NEGR1: variants seen among roughly 807,000 people sequenced by gnomAD.
NEGR1 encodes IgLON family member 4.
Under a neutral mutation model 40.9 loss-of-function variants are expected in NEGR1, and 10 were observed. The observed-to-expected ratio is 0.24, with a 90% CI of 0.15 to 0.42. NEGR1 has a LOEUF of 0.42. NEGR1 is among the 10% of genes least tolerant of loss of function. NEGR1 has a pLI of 1.00. For missense variants in NEGR1, 352 were observed against 438.9 expected, an observed-to-expected ratio of 0.80 and a Z score of 1.77; for synonymous variants, 185 against 166.8, an observed-to-expected ratio of 1.11 and a Z score of -0.84.
intron 6 of NEGR1, among the ~76,000 whole-genome samples, chr1:71,585,247 A>T (rs1439120510): frequency 6.6e-6 from 1 of 152,148 alleles, no homozygotes; most frequent in Non-Finnish European, 1.5e-5. Flanking sequence ...AATACATACT[A>T]TCTTTTAAAC....
At chr1:72,046,838 AAC>A (rs1241549474) in intron 1 of NEGR1, among the ~76,000 whole-genome samples, 1 of 151,678 alleles carries the variant, frequency 6.6e-6, no homozygotes, top group Non-Finnish European at 1.5e-5. Context: ...ATAAAAAATT[AAC>A]ACAGATAAGA....
rs1190740614 is a variant in NEGR1 at position 71,403,930 on chromosome 1, A to G, written c.*3516T>C. Reference sequence around the variant, plus strand: ...ATCTATTGAAATACTGTACATCCACATACTTCAATAAATAGTTAAAAACCT... The same window carrying G: ...ATCTATTGAAATACTGTACATCCACGTACTTCAATAAATAGTTAAAAACCT... On this transcript the variant is annotated 3_prime_UTR_variant, in exon 7 of 7. Coordinates refer to ENST00000357731, the MANE Select transcript of NEGR1 (RefSeq NM_173808.3). 3 of 375,676 alleles carry G rather than the reference A, an allele frequency of 8.0e-6. No homozygotes were observed. The highest frequency in any genetic ancestry group is 9.2e-5 in the Admixed American group (2 of 21,812). The allele number at this position is 375,676 out of a possible 1,614,324, so 23.3% of individuals were successfully genotyped here.
intron 6 of NEGR1, among the ~76,000 whole-genome samples, chr1:71,587,185 C>T (rs750360056): frequency 5.3e-5 from 8 of 152,082 alleles, no homozygotes; most frequent in Non-Finnish European, 1.0e-4. Context: ...CATACAGTTG[C>T]TTACTGGCAT....
rs112774660 is a variant in NEGR1 at position 71,836,438 on chromosome 1, A to C, written c.410-60141T>G. On this transcript the variant is annotated intron_variant, in intron 2 of 6. Coordinates refer to ENST00000357731, the MANE Select transcript of NEGR1 (RefSeq NM_173808.3). Reference sequence around the variant, plus strand: ...AGCAAGGCTCTGGCTCAAAAAAAAAACAAAAAAACAAAAAAAACAAAAAAC... The same window carrying C: ...AGCAAGGCTCTGGCTCAAAAAAAAACCAAAAAAACAAAAAAAACAAAAAAC... Among the ~76,000 whole-genome samples the C allele has an allele frequency of 3.1e-3, 456 of 146,018 alleles. 6 individuals are homozygous for C. The highest frequency in any genetic ancestry group is 0.011 in the African/African-American group (440 of 40,020).
chr1:71,803,531 C>G (rs1315031076), intron 2 of NEGR1, among the ~76,000 whole-genome samples: 1 of 152,112 alleles, frequency 6.6e-6, no homozygotes, highest in African/African-American at 2.4e-5. Flanking sequence ...CTACCAGCTC[C>G]ATTGGTTCCT....
At chr1:71,992,180 TTA>T (rs1646459451) in intron 1 of NEGR1, among the ~76,000 whole-genome samples, 1 of 152,166 alleles carries the variant, frequency 6.6e-6, no homozygotes, top group Admixed American at 6.5e-5. Flanking sequence ...AGCTTTAATA[TTA>T]TGAGTATTAT....
At chr1:72,220,628 T>G (rs1446527075) in intron 1 of NEGR1, among the ~76,000 whole-genome samples, 2 of 142,646 alleles carry the variant, frequency 1.4e-5, no homozygotes, top group East Asian at 1.9e-4. Flanking sequence ...TAACTGAATT[T>G]CTATATAATT....
intron 1 of NEGR1, among the ~76,000 whole-genome samples, chr1:72,279,913 T>G (rs1656185080): frequency 6.6e-6 from 1 of 152,204 alleles, no homozygotes; most frequent in Admixed American, 6.5e-5. Context: ...TGGATAATTC[T>G]TAGAGAATTT....
chr1:71,930,139 T>C (rs1027154591), intron 2 of NEGR1, among the ~76,000 whole-genome samples: 9 of 151,998 alleles, frequency 5.9e-5, no homozygotes, highest in African/African-American at 1.9e-4. Flanking sequence ...GGCATCTTAT[T>C]GAATTTATTT....
chr1:71,847,621 G>A (rs1308166337), intron 2 of NEGR1, among the ~76,000 whole-genome samples: 2 of 152,168 alleles, frequency 1.3e-5, no homozygotes, highest in African/African-American at 2.4e-5. Flanking sequence ...TGTTCTATAT[G>A]TTCTGACTGC....
intron 1 of NEGR1, among the ~76,000 whole-genome samples, chr1:71,978,071 T>C (rs531388429): frequency 1.3e-5 from 2 of 151,800 alleles, no homozygotes; most frequent in South Asian, 4.2e-4. Context: ...AAAGGTGTGT[T>C]TAAGAGAGAA....
At position 71,688,325 on chromosome 1, in the gene NEGR1, T is replaced by TAGATAGATAGATAG. The variant is rs1553158603; in HGVS notation, c.667+9682_667+9683insCTATCTATCTATCT. 1.3e-4 allele frequency among the ~76,000 whole-genome samples: 13 copies of TAGATAGATAGATAG among 103,234 alleles called. 1 individual carries two copies. Among genetic ancestry groups the TAGATAGATAGATAG allele is most frequent in the African/African-American group, 4.9e-4 (13 of 26,726 alleles). The allele number at this position is 103,234 out of a possible 152,430, so 67.7% of individuals were successfully genotyped here. ...TTCCCTTTTCATATATATATATATA[T>TAGATAGATAGATAG]ATAGATAGATAGATAGATAGATAGA... On this transcript the variant is annotated intron_variant, in intron 4 of 6. Transcript: ENST00000357731.
At chr1:72,166,654 G>T (rs1199860592) in intron 1 of NEGR1, among the ~76,000 whole-genome samples, 1 of 152,010 alleles carries the variant, frequency 6.6e-6, no homozygotes, top group Admixed American at 6.6e-5. Context: ...GTGAATTAAG[G>T]CAGGCAAGAG....
intron 4 of NEGR1, among the ~76,000 whole-genome samples, chr1:71,665,644 T>A (rs529433917): frequency 1.3e-5 from 2 of 152,318 alleles, no homozygotes; most frequent in East Asian, 3.9e-4. Context: ...AGCTCCATCA[T>A]TCTTCACTAA....
At chr1:72,263,495 C>T (rs959853868) in intron 1 of NEGR1, among the ~76,000 whole-genome samples, 4 of 151,526 alleles carry the variant, frequency 2.6e-5, no homozygotes, top group African/African-American at 9.7e-5. Context: ...AGCTCTATTT[C>T]GTCATTCTTT....
chr1:71,758,968 A>C (rs1655839137), intron 3 of NEGR1, among the ~76,000 whole-genome samples: 1 of 152,218 alleles, frequency 6.6e-6, no homozygotes, highest in Admixed American at 6.5e-5. Context: ...GATCAGCACA[A>C]CTTGTATTCA....
chr1:72,251,228 T>C (rs369653925), intron 1 of NEGR1, among the ~76,000 whole-genome samples: 2 of 152,226 alleles, frequency 1.3e-5, no homozygotes, highest in African/African-American at 4.8e-5. Flanking sequence ...AGATATCATA[T>C]AATATAGTTA....
intron 5 of NEGR1, among the ~76,000 whole-genome samples, chr1:71,597,414 A>T (rs75735619): frequency 4.8e-4 from 40 of 83,670 alleles, no homozygotes; most frequent in South Asian, 8.9e-4. Flanking sequence ...AGTTTTATTT[A>T]TATATATATA....
intron 2 of NEGR1, among the ~76,000 whole-genome samples, chr1:71,883,451 A>G (rs1242799303): frequency 3.9e-5 from 6 of 152,190 alleles, no homozygotes; most frequent in Admixed American, 3.3e-4. Flanking sequence ...ACAAGAAGTT[A>G]TGTTACAGAT....
Sources: allele counts gnomAD v4.1 joint callset (sites outside exome capture counted in the v4.1 genomes callset), GRCh38; gene constraint gnomAD v4.1.1; transcripts MANE v1.5; gene names NCBI Gene and HGNC (gene_info 2026-07-23, HGNC 2026-07-21).